IMPG1: variants seen among roughly 807,000 people sequenced by gnomAD.
IMPG1 encodes interphotoreceptor matrix proteoglycan of 150 kDa.
A neutral mutation model predicts 92.0 loss-of-function variants in IMPG1; 85 were observed. That is an observed-to-expected ratio of 0.92 (90% CI 0.78 to 1.11). IMPG1 has a LOEUF of 1.11. IMPG1 is among the 50% of genes least tolerant of loss of function. IMPG1 has a pLI of 0.00. For missense variants in IMPG1, 1,022 were observed against 956.0 expected (o/e 1.07, Z -0.91); for synonymous variants, 367 against 334.1 (o/e 1.10, Z -1.08).
chr6:75,947,251 A>G, intron 14 of IMPG1, 63 bp downstream of exon 14: 1 of 1,296,096 alleles, frequency 7.7e-7, no homozygotes, highest in Non-Finnish European at 1.1e-6. Context: ...GTGCTTAAAA[A>G]CAGAACGAAA....
chr6:76,028,883 C>G (rs529400336), intron 4 of IMPG1, among the ~76,000 whole-genome samples: 1 of 152,276 alleles, frequency 6.6e-6, no homozygotes, highest in Admixed American at 6.5e-5. Context: ...GCTTGTTTCT[C>G]TCTGCCTGGT....
rs141231529 is a variant in IMPG1 at position 76,035,274 on chromosome 6, G to T, written c.302-487C>A. ...TCCCAGCACTTTGGGAGGCTGAGGT[G>T]GGCGGATCACCTGAGGTCAGGAGTT... On this transcript the variant is annotated intron_variant, in intron 2 of 16. Transcript: ENST00000369950. Among the ~76,000 whole-genome samples the T allele has an allele frequency of 5.6e-3, 855 of 152,028 alleles. 33 individuals are homozygous for T. The East Asian group carries it at 0.088, about 16-fold the overall frequency.
chr6:75,992,057 A>G (rs529911871), intron 12 of IMPG1, among the ~76,000 whole-genome samples: 1 of 152,354 alleles, frequency 6.6e-6, no homozygotes, highest in South Asian at 2.1e-4. Flanking sequence ...AGATTACCCT[A>G]CATAGTGTGA....
intron 8 of IMPG1, 21 bp downstream of exon 8, chr6:76,011,145 G>A: frequency 7.9e-7 from 1 of 1,270,916 alleles, no homozygotes; most frequent in Non-Finnish European, 1.1e-6. Flanking sequence ...AAATTGAGAA[G>A]AGTTTGATTC....
chr6:75,931,072 C>T lies in IMPG1; in HGVS notation c.2124G>A (p.Ala708=), dbSNP rs112249073. The T allele has an allele frequency of 2.0e-4, 327 of 1,614,172 alleles. 2 individuals carry two copies. In the African/African-American group the frequency reaches 3.1e-3, roughly 16 times the overall value. Residue 708 remains alanine (A), a synonymous_variant, in exon 15 of 17, where the codon GCG becomes GCA. Transcript: ENST00000369950. ...QCVKNERTEE[A]ECRCKPGYDS... ...CATATCCTGGTTTGCAGCGACACTC[C>T]GCTTCCTCAGTCCGTTCGTTCTTTA...
intron 12 of IMPG1, among the ~76,000 whole-genome samples, chr6:75,951,473 T>C (rs1467257663): frequency 6.6e-6 from 1 of 152,162 alleles, no homozygotes; most frequent in African/African-American, 2.4e-5. Context: ...CAGCTGGCAT[T>C]GGAACAGATT....
intron 1 of IMPG1, among the ~76,000 whole-genome samples, chr6:76,067,942 G>A (rs955905002): frequency 6.6e-6 from 1 of 151,996 alleles, no homozygotes; most frequent in African/African-American, 2.4e-5. Flanking sequence ...AAAACTATAA[G>A]ATCATCTCTT....
chr6:75,984,890 A>T (rs1582086002), intron 12 of IMPG1, among the ~76,000 whole-genome samples: 1 of 151,962 alleles, frequency 6.6e-6, no homozygotes, highest in Non-Finnish European at 1.5e-5. Context: ...GCTTGCTCCC[A>T]CCTCATCTTC....
Position 75,950,830 on chromosome 6 carries a change from A to G in IMPG1, c.1556T>C (p.Leu519Pro), listed in dbSNP as rs1562345440. 6.2e-7 allele frequency: 1 copy of G among 1,613,944 alleles called. No homozygotes were observed. ...SAGGEDMVRH[L>P]DEMDLSDTPA... is the part of the protein sequence containing the mutation. Reference sequence around the variant, plus strand: ...AGTGTCAGACAGATCCATTTCATCTAGGTGTCTGACCATATCTTCGCCACC... The same window carrying G: ...AGTGTCAGACAGATCCATTTCATCTGGGTGTCTGACCATATCTTCGCCACC... Residue 519 changes from leucine to proline, a missense_variant, in exon 13 of 17, where the codon CTA (leucine) becomes CCA (proline). Physicochemically the swap from Leu to Pro is moderately conservative, Grantham distance 98. This residue lies in a region of IMPG1 where 332 missense variants were observed against 346.2 expected (regional missense o/e 0.96). Coordinates refer to ENST00000369950, the MANE Select transcript of IMPG1 (RefSeq NM_001563.4).
In IMPG1 at chr6:76,025,208, A is replaced by G. The variant is rs771798163; in HGVS notation, c.548T>C (p.Ile183Thr). The G allele has an allele frequency of 1.3e-6, 2 of 1,598,714 alleles. No individual in the cohort carries two copies. The highest frequency in any genetic ancestry group is 1.7e-6 in the Non-Finnish European group (2 of 1,167,102). The change falls in exon 5 of 17, where the codon ATT (isoleucine) becomes ACT (threonine). Residue 183 changes from isoleucine (I) to threonine (T), a missense_variant. This residue lies in a region of IMPG1 where 681 missense variants were observed against 583.6 expected (regional missense o/e 1.17). Transcript: ENST00000369950. ...TCTAAGCTTACCTGTTGAAATGACA[A>G]TGGTTTCACCAGGCTCTCCCAATGT... ...EKTLGEPGET[I>T]VISTDVANVS...
At chr6:76,058,411 T>A (rs955537886) in intron 1 of IMPG1, among the ~76,000 whole-genome samples, 16 of 152,164 alleles carry the variant, frequency 1.1e-4, no homozygotes, top group African/African-American at 3.9e-4. Flanking sequence ...AGTTAGCACT[T>A]ATTGAGCATC....
chr6:76,007,848 T>G (rs967504008), intron 8 of IMPG1, among the ~76,000 whole-genome samples: 4 of 152,202 alleles, frequency 2.6e-5, no homozygotes, highest in African/African-American at 4.8e-5. Context: ...GTTTTACATT[T>G]TGGGGGGTAC....
chr6:76,039,584 G>A (rs935526318), intron 2 of IMPG1, among the ~76,000 whole-genome samples: 1 of 152,174 alleles, frequency 6.6e-6, no homozygotes, highest in Non-Finnish European at 1.5e-5. Flanking sequence ...TTGAACTCCT[G>A]ACCTCAGGTG....
chr6:76,067,736 A>G (rs1354768126), intron 1 of IMPG1, among the ~76,000 whole-genome samples: 1 of 152,170 alleles, frequency 6.6e-6, no homozygotes, highest in Non-Finnish European at 1.5e-5. Context: ...ACGCAACAAA[A>G]AAAGAAAACT....
intron 12 of IMPG1, among the ~76,000 whole-genome samples, chr6:75,993,304 A>G (rs1046700024): frequency 1.3e-5 from 2 of 152,164 alleles, no homozygotes; most frequent in Non-Finnish European, 2.9e-5. Flanking sequence ...GTAACAGAAT[A>G]CCATAGATCA....
chr6:75,968,240 A>G (rs935221688), intron 12 of IMPG1, among the ~76,000 whole-genome samples: 2 of 152,238 alleles, frequency 1.3e-5, no homozygotes, highest in African/African-American at 4.8e-5. Context: ...TAAAATGTGT[A>G]GTGTAAATCA....
chr6:75,953,785 C>T (rs1199260981), intron 12 of IMPG1, among the ~76,000 whole-genome samples: 2 of 151,832 alleles, frequency 1.3e-5, no homozygotes, highest in East Asian at 3.9e-4. Flanking sequence ...ATGACAAGCC[C>T]CAGTGTGTGA....
chr6:75,977,614 C>G (rs1257601091), intron 12 of IMPG1, among the ~76,000 whole-genome samples: 1 of 151,644 alleles, frequency 6.6e-6, no homozygotes, highest in Non-Finnish European at 1.5e-5. Context: ...AAAAAAAACC[C>G]CCAAAAAACA....
intron 1 of IMPG1, among the ~76,000 whole-genome samples, chr6:76,054,711 G>A (rs1784092369): frequency 6.6e-6 from 1 of 152,104 alleles, no homozygotes; most frequent in South Asian, 2.1e-4. Flanking sequence ...TTTCATGACT[G>A]ATTTCAAGCC....
Sources: gnomAD v4.1 joint callset for allele counts (sites outside exome capture counted in the v4.1 genomes callset) on GRCh38, gnomAD v4.1.1 for gene constraint, gnomAD v4.1.1 regional missense constraint, MANE v1.5 for transcripts, NCBI Gene and HGNC (gene_info 2026-07-23, HGNC 2026-07-21) for gene names.